RBFOX1: variants seen among roughly 807,000 people sequenced by gnomAD.
RBFOX1 encodes RNA binding protein fox-1 homolog 1.
A neutral mutation model predicts 57.7 loss-of-function variants in RBFOX1; 8 were observed. The observed-to-expected ratio is 0.14, with a 90% CI of 0.08 to 0.25. The LOEUF is 0.25. Ranked by LOEUF, RBFOX1 falls within the 10% of genes least tolerant of loss-of-function variation. The probability of loss-of-function intolerance (pLI) is 1.00; values close to 1 mark genes in which losing one functional copy is unlikely to be tolerated. For synonymous variants in RBFOX1, 326 were observed against 222.4 expected (o/e 1.47, Z -4.15); for missense variants, 611 against 548.5 (o/e 1.11, Z -1.14).
intron 3 of RBFOX1, among the ~76,000 whole-genome samples, chr16:6,763,273 T>C (rs2076884752): frequency 6.6e-6 from 1 of 152,204 alleles, no homozygotes; most frequent in Non-Finnish European, 1.5e-5. Flanking sequence ...AATTTCCTCC[T>C]GTTAGTGAGA....
intron 2 of RBFOX1, among the ~76,000 whole-genome samples, chr16:6,521,090 G>A (rs905183733): frequency 5.9e-5 from 9 of 152,098 alleles, no homozygotes; most frequent in Admixed American, 3.3e-4. Flanking sequence ...AGCGGCTGAC[G>A]ACAATCAGGC....
chr16:7,411,480 C>G (rs1346329857), intron 4 of RBFOX1, among the ~76,000 whole-genome samples: 1 of 152,158 alleles, frequency 6.6e-6, no homozygotes. Context: ...ATGGGAAGTA[C>G]TGTTTAAAAA....
intron 2 of RBFOX1, among the ~76,000 whole-genome samples, chr16:6,381,757 C>T (rs1310908357): frequency 6.6e-6 from 1 of 152,192 alleles, no homozygotes; most frequent in African/African-American, 2.4e-5. Flanking sequence ...ACCGCATCTG[C>T]TGCTGCTGGA....
At chr16:5,908,089 CATATATACACATAT>C (rs1229478723) in intron 4 of RBFOX1, among the ~76,000 whole-genome samples, 25 of 138,136 alleles carry the variant, frequency 1.8e-4, no homozygotes, top group East Asian at 8.1e-4. Context: ...TATATATACA[CATATATACACATAT>C]ATATATACAC....
intron 3 of RBFOX1, among the ~76,000 whole-genome samples, chr16:6,670,269 T>TA (rs1469804536): frequency 2.0e-5 from 3 of 152,090 alleles, no homozygotes; most frequent in Non-Finnish European, 4.4e-5. Flanking sequence ...GGGTTTTCCC[T>TA]ATGTTGTCCA....
chr16:7,348,257 T>C (rs935566334), intron 4 of RBFOX1, among the ~76,000 whole-genome samples: 1 of 152,232 alleles, frequency 6.6e-6, no homozygotes, highest in East Asian at 1.9e-4. Context: ...CCACTCTTTA[T>C]GTATCCTGGA....
chr16:6,660,569 C>G (rs562963583), intron 3 of RBFOX1, among the ~76,000 whole-genome samples: 5 of 152,118 alleles, frequency 3.3e-5, no homozygotes, highest in Admixed American at 1.3e-4. Context: ...GGGTTTCAAT[C>G]CCAGCCCTCC....
intron 3 of RBFOX1, among the ~76,000 whole-genome samples, chr16:6,913,584 G>C (rs890515439): frequency 6.6e-6 from 1 of 152,084 alleles, no homozygotes; most frequent in Admixed American, 6.6e-5. Context: ...GTTATAAGTC[G>C]GTAGCATCCC....
chr16:7,637,989 G>C (rs746682277), intron 11 of RBFOX1, among the ~76,000 whole-genome samples: 11 of 152,078 alleles, frequency 7.2e-5, no homozygotes, highest in Non-Finnish European at 1.3e-4. Context: ...GCTTAATCCA[G>C]CACTATTTCA....
intron 3 of RBFOX1, among the ~76,000 whole-genome samples, chr16:6,942,893 T>C (rs186483285): frequency 4.9e-4 from 74 of 152,318 alleles, no homozygotes; most frequent in Non-Finnish European, 9.0e-4. Flanking sequence ...GTTTGCAGTA[T>C]ACAAAGTACA....
At chr16:5,411,971 A>C (rs1178776624) in intron 1 of RBFOX1, among the ~76,000 whole-genome samples, 1 of 152,184 alleles carries the variant, frequency 6.6e-6, no homozygotes, top group Non-Finnish European at 1.5e-5. Context: ...GATCTCACTG[A>C]GACTATTCTT....
intron 3 of RBFOX1, among the ~76,000 whole-genome samples, chr16:6,833,971 G>A (rs2092903031): frequency 6.6e-6 from 1 of 152,294 alleles, no homozygotes; most frequent in East Asian, 1.9e-4. Flanking sequence ...CAGCCTTGGA[G>A]GCACAGTAGG....
intron 14 of RBFOX1, among the ~76,000 whole-genome samples, chr16:7,679,445 G>C (rs1483684590): frequency 6.6e-6 from 1 of 152,130 alleles, no homozygotes. Flanking sequence ...TCCAAAATAG[G>C]AAGTAAAATC....
intron 3 of RBFOX1, among the ~76,000 whole-genome samples, chr16:5,669,170 C>T (rs774185226): frequency 5.0e-4 from 76 of 152,136 alleles, no homozygotes; most frequent in Non-Finnish European, 8.2e-4. Context: ...CTAAGTGTGA[C>T]GGAATCTGGA....
At chr16:7,277,218 C>G (rs1463239997) in intron 4 of RBFOX1, among the ~76,000 whole-genome samples, 1 of 151,970 alleles carries the variant, frequency 6.6e-6, no homozygotes, top group Non-Finnish European at 1.5e-5. Flanking sequence ...CGTTATTCAT[C>G]CTGGAGGAAT....
Position 6,256,162 on chromosome 16 carries a change from TATATATATGTATATATATATATAC to T in RBFOX1, c.-126-60832_-126-60809del, listed in dbSNP as rs2097661079. Among the ~76,000 whole-genome samples the T allele has an allele frequency of 1.2e-3, 6 of 4,876 alleles. 1 individual carries two copies. Among genetic ancestry groups the T allele is most frequent in the African/African-American group, 1.4e-3 (6 of 4,166 alleles). The allele number at this position is 4,876 out of a possible 152,430, so 3.2% of individuals were successfully genotyped here. On this transcript the variant is annotated intron_variant, in intron 1 of 15. Coordinates refer to ENST00000550418, the MANE Select transcript of RBFOX1 (RefSeq NM_018723.4). The stretch of plus-strand genomic sequence containing the variant: ...ATGTGTGTATATATATATATATGTA[TATATATATGTATATATATATATAC>T]GTATATATATGTATATGTATATGTG...
At chr16:5,643,326 C>G (rs1323902666) in intron 3 of RBFOX1, among the ~76,000 whole-genome samples, 1 of 152,190 alleles carries the variant, frequency 6.6e-6, no homozygotes, top group Non-Finnish European at 1.5e-5. Flanking sequence ...TGGCTGCCCC[C>G]TGCTCACTCC....
intron 5 of RBFOX1, among the ~76,000 whole-genome samples, chr16:7,533,369 C>A (rs905352715): frequency 6.6e-6 from 1 of 152,158 alleles, no homozygotes; most frequent in African/African-American, 2.4e-5. Flanking sequence ...ACAACATTTT[C>A]TTCCACCTTG....
At chr16:6,375,973 G>T (rs1299919336) in intron 2 of RBFOX1, among the ~76,000 whole-genome samples, 1 of 152,118 alleles carries the variant, frequency 6.6e-6, no homozygotes, top group East Asian at 1.9e-4. Flanking sequence ...TCACCCTGCT[G>T]CCTCCAGCTC....
Sources: gnomAD v4.1 joint callset for allele counts (sites outside exome capture counted in the v4.1 genomes callset) on GRCh38, gnomAD v4.1.1 for gene constraint, MANE v1.5 for transcripts, NCBI Gene and HGNC (gene_info 2026-07-23, HGNC 2026-07-21) for gene names.